The following NSUN4 variants were observed in gnomAD, a reference collection of about 807,000 sequenced individuals.
NSUN4 encodes the protein 5-cytosine rRNA methyltransferase NSUN4.
Under a neutral mutation model 43.8 loss-of-function variants are expected in NSUN4, and 31 were observed. The ratio of observed to expected loss-of-function variants is 0.71; its 90% CI spans 0.53 to 0.96. The LOEUF is 0.96. NSUN4 is among the 40% of genes least tolerant of loss of function. NSUN4 has a pLI of 0.00. For missense variants in NSUN4, 439 were observed against 475.6 expected (o/e 0.92, Z 0.72); for synonymous variants, 167 against 184.1 (o/e 0.91, Z 0.75).
rs1663924696 is a variant in NSUN4, at chr1:46,362,119, A to G, written c.*273A>G. 1 of 485,208 alleles carries G rather than the reference A, an allele frequency of 2.1e-6. No individual in the cohort carries two copies. Among genetic ancestry groups the G allele is most frequent in the Non-Finnish European group, 3.7e-6 (1 of 269,200 alleles). The allele number at this position is 485,208 out of a possible 1,614,324, so 30.1% of individuals were successfully genotyped here. A position where few individuals can be genotyped will look rare whatever the true frequency, so the allele number is the denominator to read the frequency against. On this transcript the variant is annotated 3_prime_UTR_variant, in exon 6 of 6. Transcript: ENST00000474844. ...GCCCGCTTAGGGGCTTAGAAGGAGA[A>G]GCCAGTGAGCAGGCTCACACTAAGT...
intron 3 of NSUN4, among the ~76,000 whole-genome samples, chr1:46,347,383 A>G (rs958075634): frequency 4.6e-5 from 7 of 152,122 alleles, no homozygotes; most frequent in Non-Finnish European, 1.5e-5. Flanking sequence ...GGTTACAATG[A>G]GCTGAGATCC....
chr1:46,346,509 G>A (rs902045416), intron 2 of NSUN4, among the ~76,000 whole-genome samples: 4 of 136,804 alleles, frequency 2.9e-5, no homozygotes, highest in African/African-American at 1.1e-4. Context: ...CCAAGATTGC[G>A]CCACCGCACT....
intron 4 of NSUN4, among the ~76,000 whole-genome samples, chr1:46,359,804 A>G (rs559237892): frequency 1.2e-4 from 19 of 152,178 alleles, no homozygotes; most frequent in African/African-American, 4.6e-4. Context: ...GTGGGGTCTC[A>G]CTATGTTTTC....
At chr1:46,359,710 C>G (rs1404173073) in intron 4 of NSUN4, among the ~76,000 whole-genome samples, 1 of 151,812 alleles carries the variant, frequency 6.6e-6, no homozygotes, top group Non-Finnish European at 1.5e-5. Flanking sequence ...GCCACCATGC[C>G]TGGCTAGTTT....
chr1:46,379,936 TA>T, the NSUN4 span, among the ~76,000 whole-genome samples: 115 of 152,324 alleles, frequency 7.5e-4, no homozygotes, highest in African/African-American at 2.6e-3. Context: ...CTCCACCTTC[TA>T]ATACCATTAC....
chr1:46,341,788 G>A (rs1300076937), intron 1 of NSUN4: 1 of 1,232,334 alleles, frequency 8.1e-7, no homozygotes, highest in Non-Finnish European at 1.0e-6. Flanking sequence ...AGCATTCCGG[G>A]GTCACCCCCT....
chr1:46,366,011 C>T (rs926301077), downstream of NSUN4, among the ~76,000 whole-genome samples: 1 of 152,064 alleles, frequency 6.6e-6, no homozygotes, highest in Non-Finnish European at 1.5e-5. Context: ...ACCTGTGATT[C>T]CAGCTACTTG....
At chr1:46,357,099 GACT>G (rs1267646185) in intron 4 of NSUN4, among the ~76,000 whole-genome samples, 3 of 152,166 alleles carry the variant, frequency 2.0e-5, no homozygotes, top group Middle Eastern at 3.2e-3. Flanking sequence ...TGAGTGGTTT[GACT>G]ACCCTCCCTA....
At chr1:46,367,170 A>C, downstream of NSUN4, among the ~76,000 whole-genome samples, 1 of 151,982 alleles carries the variant, frequency 6.6e-6, no homozygotes, top group Non-Finnish European at 1.5e-5. Context: ...CCCAGTAACA[A>C]CTCAAATCAC....
chr1:46,357,036 A>G (rs1663431480), intron 4 of NSUN4, among the ~76,000 whole-genome samples: 1 of 152,144 alleles, frequency 6.6e-6, no homozygotes, highest in Non-Finnish European at 1.5e-5. Flanking sequence ...GTTATTTATG[A>G]CTGACATCCA....
chr1:46,360,927 C>A, intron 5 of NSUN4, 99 bp downstream of exon 5: 1 of 1,343,902 alleles, frequency 7.4e-7, no homozygotes, highest in Non-Finnish European at 1.0e-6. Flanking sequence ...ACACAAGAAT[C>A]TTATGGCTGG....
the NSUN4 span, among the ~76,000 whole-genome samples, chr1:46,376,795 T>C: frequency 3.6e-3 from 546 of 152,102 alleles, 2 homozygotes; most frequent in African/African-American, 0.012. Context: ...TCTTACTCTG[T>C]CACCCAGGCT....
At chr1:46,345,423 G>A (rs2148367711) in intron 2 of NSUN4, 1 of 371,524 alleles carries the variant, frequency 2.7e-6, no homozygotes, top group Non-Finnish European at 4.9e-6. Flanking sequence ...CCCTCAGATG[G>A]TAAGTGGTGT....
chr1:46,373,922 G>T, the NSUN4 span, among the ~76,000 whole-genome samples: 1 of 149,250 alleles, frequency 6.7e-6, no homozygotes, highest in Non-Finnish European at 1.5e-5. Context: ...GGGGTAAGGC[G>T]TTGGGGGATG....
At chr1:46,377,936 T>C in the NSUN4 span, among the ~76,000 whole-genome samples, 1 of 152,188 alleles carries the variant, frequency 6.6e-6, no homozygotes, top group African/African-American at 2.4e-5. Flanking sequence ...GAAAACAGGT[T>C]GAGGAAAACA....
intron 4 of NSUN4, among the ~76,000 whole-genome samples, chr1:46,357,554 C>T (rs1663474459): frequency 6.6e-6 from 1 of 152,220 alleles, no homozygotes; most frequent in Non-Finnish European, 1.5e-5. Flanking sequence ...AATTACATAG[C>T]TCTGCTGTTT....
At chr1:46,374,410 T>A in the NSUN4 span, among the ~76,000 whole-genome samples, 3 of 148,782 alleles carry the variant, frequency 2.0e-5, no homozygotes, top group East Asian at 5.9e-4. Flanking sequence ...GAGTTCGAGA[T>A]CAGCCTGGCC....
At chr1:46,360,249 A>AAAAAAAAAATATATAT (rs1553177947) in intron 4 of NSUN4, among the ~76,000 whole-genome samples, 4 of 25,770 alleles carry the variant, frequency 1.6e-4, no homozygotes, top group African/African-American at 3.9e-4. Flanking sequence ...AAAAAAAAAA[A>AAAAAAAAAATATATAT]ATATATATAT....
intron 3 of NSUN4, among the ~76,000 whole-genome samples, chr1:46,351,503 G>A (rs561114792): frequency 1.3e-5 from 2 of 151,998 alleles, no homozygotes; most frequent in Admixed American, 1.3e-4. Context: ...TAGGTTTCCA[G>A]AATAGTGGGA....
Sources: gnomAD v4.1 joint callset for allele counts (sites outside exome capture counted in the v4.1 genomes callset) on GRCh38, gnomAD v4.1.1 for gene constraint, MANE v1.5 for transcripts, NCBI Gene and HGNC (gene_info 2026-07-23, HGNC 2026-07-21) for gene names.